MTA3: variants seen among roughly 807,000 people sequenced by gnomAD.
The protein encoded by MTA3 is metastasis associated 1 family member 3.
A neutral mutation model predicts 83.5 loss-of-function variants in MTA3; 34 were observed. The ratio of observed to expected loss-of-function variants is 0.41; its 90% CI spans 0.31 to 0.54. The LOEUF is 0.54. Ranked by LOEUF, MTA3 falls within the 20% of genes least tolerant of loss-of-function variation. The pLI, the probability that MTA3 is intolerant of heterozygous loss-of-function variation, is 0.33. For synonymous variants in MTA3, 303 were observed against 252.7 expected, an observed-to-expected ratio of 1.20 and a Z score of -1.89; for missense variants, 761 against 726.4, an observed-to-expected ratio of 1.05 and a Z score of -0.55.
chr2:42,674,699 A>G (rs1208229191), intron 8 of MTA3, among the ~76,000 whole-genome samples: 2 of 150,778 alleles, frequency 1.3e-5, no homozygotes, highest in African/African-American at 2.4e-5. Context: ...CCTGAGTTCA[A>G]GGGATTCTCC....
chr2:42,755,865 A>G lies in MTA3; in HGVS notation c.*2466A>G, dbSNP rs1274148970. On this transcript the variant is annotated 3_prime_UTR_variant, in exon 17 of 17. Transcript: ENST00000405094. ...GGTGAGGACACAGGCTCTGCAGGCT[A>G]TCTCCCCCTCTGGCTCAGTCATCGC... 2.0e-6 allele frequency: 2 copies of G among 985,356 alleles called. No homozygotes were observed. Among genetic ancestry groups the G allele is most frequent in the East Asian group, 2.3e-4 (2 of 8,822 alleles). The allele number at this position is 985,356 out of a possible 1,614,324, so 61.0% of individuals were successfully genotyped here.
At chr2:42,690,285 ATTAC>A (rs760720011) in intron 9 of MTA3, among the ~76,000 whole-genome samples, 7 of 152,198 alleles carry the variant, frequency 4.6e-5, no homozygotes, top group Admixed American at 2.0e-4. Context: ...AAACTCTGCT[ATTAC>A]TTAAAACATA....
chr2:42,521,207 T>C (rs1675414581), intron 2 of MTA3, among the ~76,000 whole-genome samples: 1 of 152,180 alleles, frequency 6.6e-6, no homozygotes, highest in South Asian at 2.1e-4. Context: ...CTTGGCTCAC[T>C]CTGAGGGGAG....
intron 4 of MTA3, among the ~76,000 whole-genome samples, chr2:42,612,863 AAAAT>A (rs565927142): frequency 6.6e-6 from 1 of 152,152 alleles, no homozygotes; most frequent in African/African-American, 2.4e-5. Flanking sequence ...CTTGTCTCAA[AAAAT>A]AAATAAATAA....
chr2:42,508,834 ATATTAAATATATTAAAT>A (rs1310975419), intron 2 of MTA3, among the ~76,000 whole-genome samples: 2 of 146,786 alleles, frequency 1.4e-5, no homozygotes, highest in Non-Finnish European at 1.5e-5. Context: ...ATGATATATA[ATATTAAATATATTAAAT>A]TATTAAATAT....
intron 14 of MTA3, among the ~76,000 whole-genome samples, chr2:42,711,775 A>AGTGTGTGTTTGTGTGT (rs372997456): frequency 0.2 from 28,136 of 139,006 alleles, 3,408 homozygotes; most frequent in Admixed American, 0.29. Context: ...TGTATAGGAG[A>AGTGTGTGTTTGTGTGT]GAGAGAGAGT....
Position 42,724,277 on chromosome 2 carries a change from A to AACACACACACACACACACACACAC in MTA3, c.1759+1273_1759+1296dup, listed in dbSNP as rs34379999. On this transcript the variant is annotated intron_variant, in intron 16 of 16. Transcript: ENST00000405094. The stretch of plus-strand genomic sequence containing the variant: ...AGAAGGTATAAAGTAAGTCCTGAAA[A>AACACACACACACACACACACACAC]ACACACACACACACACACACACACA... 1.4e-3 allele frequency among the ~76,000 whole-genome samples: 102 copies of AACACACACACACACACACACACAC among 73,168 alleles called. 6 individuals are homozygous for AACACACACACACACACACACACAC. Among genetic ancestry groups the AACACACACACACACACACACACAC allele is most frequent in the Admixed American group, 2.4e-3 (14 of 5,912 alleles). 48.0% of individuals were successfully genotyped at this position (73,168 alleles called of 152,430 possible).
At chr2:42,627,970 C>T (rs749469715) in intron 4 of MTA3, among the ~76,000 whole-genome samples, 17 of 151,738 alleles carry the variant, frequency 1.1e-4, no homozygotes, top group South Asian at 4.2e-4. Context: ...CTGCAATCTC[C>T]GACTCCCGGG....
intron 2 of MTA3, among the ~76,000 whole-genome samples, chr2:42,549,447 ATAATATAT>A (rs1230900761): frequency 2.4e-5 from 1 of 42,192 alleles, no homozygotes; most frequent in Admixed American, 4.9e-4. Flanking sequence ...ACGTATACAT[ATAATATAT>A]TATATATACA....
rs1449961457 is a variant in MTA3, at chr2:42,640,233, G to A, written c.378G>A (p.Lys126=). Residue 126 remains lysine, a synonymous_variant, in exon 5 of 17, where the codon AAG becomes AAA. Transcript: ENST00000405094. ...AATCAGTATTGTCATATCTTGATAA[G>A]GAGGTAATTCACAATCATAGTTGTT... is the stretch of plus-strand genomic sequence containing the variant. ...ETESVLSYLD[K]EDTFFYSLVY... 6.2e-7 allele frequency: 1 copy of A among 1,601,774 alleles called. No homozygotes were observed. Among genetic ancestry groups the A allele is most frequent in the Admixed American group, 1.7e-5 (1 of 58,932 alleles).
chr2:42,683,896 C>A (rs1692154159), intron 9 of MTA3, among the ~76,000 whole-genome samples: 1 of 152,060 alleles, frequency 6.6e-6, no homozygotes, highest in Non-Finnish European at 1.5e-5. Context: ...GTTGGGGACC[C>A]CTGAGTATCC....
intron 2 of MTA3, chr2:42,532,738 G>GTT (rs35421981): frequency 6.9e-3 from 1,364 of 197,058 alleles, no homozygotes; most frequent in Middle Eastern, 0.021. Context: ...CAATCCAGAG[G>GTT]TTTTTTTTTT....
intron 2 of MTA3, among the ~76,000 whole-genome samples, chr2:42,554,302 A>G (rs970525152): frequency 1.3e-5 from 2 of 152,170 alleles, no homozygotes; most frequent in African/African-American, 2.4e-5. Context: ...TGGATGGTGA[A>G]CTCCTTGAGT....
rs1687972846 is a variant in MTA3, at chr2:42,644,393, AAAT to A, written c.499+152_499+154del. The A allele has an allele frequency of 4.2e-5, 22 of 527,486 alleles. No individual in the cohort carries two copies. The South Asian group carries it at 6.0e-4, about 14-fold the overall frequency. The allele number at this position is 527,486 out of a possible 1,614,324, so 32.7% of individuals were successfully genotyped here. ...TTTACTGTTCTTTGTAAAAAATAAA[AAAT>A]AAATAAATAAATAGAGATGAGGCCT... On this transcript the variant is annotated intron_variant, in intron 6 of 16. Coordinates refer to ENST00000405094, the MANE Select transcript of MTA3 (RefSeq NM_001330442.2).
At chr2:42,624,881 A>G (rs935700680) in intron 4 of MTA3, among the ~76,000 whole-genome samples, 2 of 152,158 alleles carry the variant, frequency 1.3e-5, no homozygotes, top group Non-Finnish European at 2.9e-5. Flanking sequence ...TTTATACCAC[A>G]TCGGTTCTCC....
chr2:42,550,671 G>T (rs921894999), intron 2 of MTA3, among the ~76,000 whole-genome samples: 7 of 152,190 alleles, frequency 4.6e-5, no homozygotes, highest in Non-Finnish European at 8.8e-5. Context: ...AGATTGTAAA[G>T]GGCTATCCTT....
At chr2:42,639,043 C>G (rs1393015554) in intron 4 of MTA3, among the ~76,000 whole-genome samples, 3 of 150,512 alleles carry the variant, frequency 2.0e-5, no homozygotes, top group Non-Finnish European at 3.0e-5. Context: ...GCAAGCTTTT[C>G]TAGCTTGCTT....
In MTA3 at chr2:42,754,982, C is replaced by T. The variant is rs1425230450; in HGVS notation, c.*1583C>T. 3.0e-6 allele frequency: 3 copies of T among 985,506 alleles called. No individual in the cohort carries two copies. Among genetic ancestry groups the T allele is most frequent in the Non-Finnish European group, 3.6e-6 (3 of 830,032 alleles). The allele number at this position is 985,506 out of a possible 1,614,324, so 61.0% of individuals were successfully genotyped here. A position where few individuals can be genotyped will look rare whatever the true frequency, so the allele number is the denominator to read the frequency against. On this transcript the variant is annotated 3_prime_UTR_variant, in exon 17 of 17. Coordinates refer to ENST00000405094, the MANE Select transcript of MTA3 (RefSeq NM_001330442.2). ...AGCATGGGATGTCTCCACCACCACC[C>T]ACTCTTGGAGCTGTGCTGGGTCTTG... is the stretch of plus-strand genomic sequence containing the variant.
chr2:42,729,272 AT>A (rs900202526), intron 16 of MTA3, among the ~76,000 whole-genome samples: 102 of 142,590 alleles, frequency 7.2e-4, no homozygotes, highest in African/African-American at 1.9e-3. Flanking sequence ...AATTTTTTGT[AT>A]TTTTTTTTTA....
Sources: allele counts gnomAD v4.1 joint callset (sites outside exome capture counted in the v4.1 genomes callset), GRCh38; gene constraint gnomAD v4.1.1; transcripts MANE v1.5; gene names NCBI Gene and HGNC (gene_info 2026-07-23, HGNC 2026-07-21).